Variants in LARGE1 observed in about 807,000 individuals in gnomAD.
The protein encoded by LARGE1 is LARGE xylosyl- and glucuronyltransferase 1.
A neutral mutation model predicts 87.6 loss-of-function variants in LARGE1; 43 were observed. That is an observed-to-expected ratio of 0.49 (90% confidence interval 0.38 to 0.63). The LOEUF (loss-of-function observed/expected upper bound fraction) is 0.63, where lower values mean the gene tolerates loss of function less well. Among genes scored for constraint, LARGE1 ranks in the 30% least tolerant of loss-of-function variants. LARGE1 has a pLI of 0.00. For missense variants in LARGE1, 802 were observed against 1,000.2 expected (o/e 0.80, Z 2.67); for synonymous variants, 434 against 394.6 (o/e 1.10, Z -1.18).
At chr22:33,082,670 G>C in the LARGE1 span, among the ~76,000 whole-genome samples, 1 of 152,210 alleles carries the variant, frequency 6.6e-6, no homozygotes, top group Non-Finnish European at 1.5e-5. Context: ...AAATGCATGG[G>C]AATGATTTCA....
rs773206229 is a variant in LARGE1 at position 33,578,070 on chromosome 22, G to A, written c.616-13051C>T. Among the ~76,000 whole-genome samples the A allele has an allele frequency of 2.6e-5, 4 of 152,224 alleles. No individual in the cohort carries two copies. The South Asian group carries it at 6.2e-4, about 24-fold the overall frequency. On this transcript the variant is annotated intron_variant, in intron 5 of 14. Transcript: ENST00000397394. ...CTTTTAACCTTGACCTTCAAGCCCT[G>A]CTTCAGAAGATTTAGACCGTGGTAA...
chr22:33,753,228 G>GTAA (rs1012194578), intron 2 of LARGE1, among the ~76,000 whole-genome samples: 5 of 151,482 alleles, frequency 3.3e-5, no homozygotes, highest in Admixed American at 6.6e-5. Flanking sequence ...CAAAAAAATA[G>GTAA]TAATAATAAT....
intron 7 of LARGE1, among the ~76,000 whole-genome samples, chr22:33,391,921 C>G (rs374726748): frequency 1.5e-4 from 23 of 151,902 alleles, no homozygotes; most frequent in Middle Eastern, 3.4e-3. Context: ...AGGTGCCCAC[C>G]ACCACACCCA....
At chr22:33,584,122 T>A (rs743731) in intron 5 of LARGE1, among the ~76,000 whole-genome samples, 33,454 of 152,134 alleles carry the variant, frequency 0.22, 4,566 homozygotes, top group East Asian at 0.35. Flanking sequence ...TCCTTTCTAA[T>A]AGAAAAAGTT....
chr22:33,353,799 AG>A (rs966617449), intron 9 of LARGE1, among the ~76,000 whole-genome samples: 1 of 152,246 alleles, frequency 6.6e-6, no homozygotes, highest in Non-Finnish European at 1.5e-5. Flanking sequence ...GAATAACAAA[AG>A]AATTATGGAG....
chr22:33,480,025 G>A (rs897410528), intron 6 of LARGE1, among the ~76,000 whole-genome samples: 3 of 152,146 alleles, frequency 2.0e-5, no homozygotes, highest in South Asian at 2.1e-4. Context: ...GATTACAGGC[G>A]TGAACCACTG....
chr22:33,516,780 C>CTCA lies in LARGE1; in HGVS notation c.787+48065_787+48067dup, dbSNP rs1044882153. 1.9e-4 allele frequency among the ~76,000 whole-genome samples: 29 copies of CTCA among 151,964 alleles called. 1 individual carries two copies. Among genetic ancestry groups the CTCA allele is most frequent in the Admixed American group, 1.6e-3 (25 of 15,260 alleles). ...AATTTATTTTTAGTAGAGATGGGGTCTCACCATGTTGGCCAGGATGGTCTC... is the reference window on the plus strand; with the variant it reads ...AATTTATTTTTAGTAGAGATGGGGTCTCATCACCATGTTGGCCAGGATGGTCTC... On this transcript the variant is annotated intron_variant, in intron 6 of 14. Coordinates refer to ENST00000397394, the MANE Select transcript of LARGE1 (RefSeq NM_133642.5).
intron 1 of LARGE1, among the ~76,000 whole-genome samples, chr22:33,897,045 C>T (rs769063829): frequency 2.0e-5 from 3 of 152,136 alleles, no homozygotes; most frequent in Admixed American, 1.3e-4. Flanking sequence ...TTCTTCACCC[C>T]AACGTTAGCA....
chr22:33,125,698 G>A, the LARGE1 span, among the ~76,000 whole-genome samples: 1 of 152,186 alleles, frequency 6.6e-6, no homozygotes, highest in African/African-American at 2.4e-5. Flanking sequence ...ACTCGACTTG[G>A]CCTCCCAAAG....
intron 1 of LARGE1, among the ~76,000 whole-genome samples, chr22:33,874,952 G>A (rs186143808): frequency 7.2e-5 from 11 of 152,274 alleles, no homozygotes; most frequent in South Asian, 2.1e-4. Flanking sequence ...GAAGGTCAGC[G>A]AAGTTGAAAA....
chr22:33,484,543 T>C (rs568315094), intron 6 of LARGE1, among the ~76,000 whole-genome samples: 1 of 152,356 alleles, frequency 6.6e-6, no homozygotes, highest in South Asian at 2.1e-4. Flanking sequence ...TGAAGGGCTG[T>C]GACTCTTTCT....
intron 9 of LARGE1, among the ~76,000 whole-genome samples, chr22:33,349,787 A>G (rs968906646): frequency 6.6e-6 from 1 of 152,162 alleles, no homozygotes; most frequent in African/African-American, 2.4e-5. Context: ...CCTGGTACTC[A>G]TAACTCTTTG....
At chr22:33,145,841 A>T in the LARGE1 span, among the ~76,000 whole-genome samples, 1 of 152,194 alleles carries the variant, frequency 6.6e-6, no homozygotes, top group East Asian at 1.9e-4. Flanking sequence ...GACTGAAACC[A>T]ATAAAGACCA....
intron 7 of LARGE1, among the ~76,000 whole-genome samples, chr22:33,397,125 T>G (rs2065774255): frequency 6.6e-6 from 1 of 151,894 alleles, no homozygotes; most frequent in Non-Finnish European, 1.5e-5. Context: ...TTTTCTTTCT[T>G]TTTTTTTGAG....
intron 2 of LARGE1, among the ~76,000 whole-genome samples, chr22:33,712,173 T>C (rs1159020060): frequency 6.6e-6 from 1 of 152,044 alleles, no homozygotes; most frequent in East Asian, 1.9e-4. Context: ...CATTAACCAC[T>C]ACCACTATCC....
intron 1 of LARGE1, among the ~76,000 whole-genome samples, chr22:33,780,948 T>C (rs937769549): frequency 3.3e-5 from 5 of 152,254 alleles, no homozygotes; most frequent in Admixed American, 2.6e-4. Context: ...AGGTCATTAG[T>C]TGTGGGGCTG....
At position 33,381,933 on chromosome 22, in the gene LARGE1, C is replaced by T. The variant is rs778391457; in HGVS notation, c.1117G>A (p.Val373Met). 3.1e-6 allele frequency: 5 copies of T among 1,614,128 alleles called. No individual in the cohort carries two copies. Among genetic ancestry groups the T allele is most frequent in the East Asian group, 2.2e-5 (1 of 44,858 alleles). The change falls in exon 9 of 15, where the codon GTG (valine) becomes ATG (methionine). Residue 373 changes from valine (V) to methionine (M), a missense_variant. Physicochemically the swap from Val to Met is conservative, Grantham distance 21. Transcript: ENST00000397394. ...HTRSEQCYRD[V>M]SDLKVIHWNS... ...GTTGACCCTACCTTTAGATCAGACA[C>T]GTCTCTGTAGCACTGCTCGGAGCGG... is the stretch of plus-strand genomic sequence containing the variant.
chr22:33,772,607 A>T (rs1204240193), intron 1 of LARGE1, among the ~76,000 whole-genome samples: 2 of 151,956 alleles, frequency 1.3e-5, no homozygotes, highest in Non-Finnish European at 2.9e-5. Context: ...CAACTCAGAG[A>T]ACTCTTCCCA....
At chr22:33,700,024 C>G (rs1335864923) in intron 2 of LARGE1, among the ~76,000 whole-genome samples, 1 of 152,190 alleles carries the variant, frequency 6.6e-6, no homozygotes, top group Non-Finnish European at 1.5e-5. Flanking sequence ...ATTGCAGGTT[C>G]TAATGTAACC....
Sources: gnomAD v4.1 joint callset for allele counts (sites outside exome capture counted in the v4.1 genomes callset) on GRCh38, gnomAD v4.1.1 for gene constraint, MANE v1.5 for transcripts, NCBI Gene and HGNC (gene_info 2026-07-23, HGNC 2026-07-21) for gene names.